Variants in PMFBP1 observed in about 807,000 individuals in gnomAD.
The protein encoded by PMFBP1 is polyamine modulated factor 1 binding protein 1, also known as polyamine-modulated factor 1-binding protein 1.
In PMFBP1, 131 loss-of-function variants were observed where a neutral mutation model predicts 137.8. That is an observed-to-expected ratio of 0.95 (90% CI 0.82 to 1.10). The LOEUF is 1.10. Ranked by LOEUF, PMFBP1 falls within the 50% of genes least tolerant of loss-of-function variation. The pLI is 0.00. For synonymous variants in PMFBP1, 490 were observed against 450.4 expected (o/e 1.09, Z -1.11); for missense variants, 1,199 against 1,175.4 (o/e 1.02, Z -0.29).
At chr16:72,221,974 G>C in the PMFBP1 span, among the ~76,000 whole-genome samples, 1 of 152,144 alleles carries the variant, frequency 6.6e-6, no homozygotes, top group African/African-American at 2.4e-5. Context: ...CACTTTGCCG[G>C]GCTCAGGTAT....
the PMFBP1 span, among the ~76,000 whole-genome samples, chr16:72,245,719 G>C: frequency 6.6e-6 from 1 of 152,028 alleles, no homozygotes; most frequent in Non-Finnish European, 1.5e-5. Context: ...AGGATGCCCC[G>C]GTCTGTACGG....
chr16:72,160,462 C>T (rs1488266092), intron 3 of PMFBP1, among the ~76,000 whole-genome samples: 2 of 152,202 alleles, frequency 1.3e-5, no homozygotes, highest in Non-Finnish European at 2.9e-5. Context: ...AGTATGTCAT[C>T]AGGCCCTGCT....
At chr16:72,220,371 A>G in the PMFBP1 span, among the ~76,000 whole-genome samples, 1 of 152,228 alleles carries the variant, frequency 6.6e-6, no homozygotes. Context: ...TGAAGGAAGT[A>G]TGTTATCTAA....
the PMFBP1 span, among the ~76,000 whole-genome samples, chr16:72,210,765 G>A: frequency 2.6e-5 from 4 of 152,208 alleles, no homozygotes; most frequent in Non-Finnish European, 5.9e-5. Context: ...GTCACCAGTG[G>A]TTGACTCAAA....
intron 5 of PMFBP1, among the ~76,000 whole-genome samples, chr16:72,145,371 C>T (rs1686489317): frequency 6.6e-6 from 1 of 152,178 alleles, no homozygotes; most frequent in South Asian, 2.1e-4. Flanking sequence ...CTCTGGGACA[C>T]ATTTAAAGCA....
In PMFBP1 at chr16:72,124,899, G is replaced by C. The variant is rs1034141698; in HGVS notation, c.2457C>G (p.Ser819Arg). The C allele has an allele frequency of 6.2e-7, 1 of 1,614,072 alleles. No homozygotes were observed. The highest frequency in any genetic ancestry group is 1.3e-5 in the African/African-American group (1 of 74,928). The change falls in exon 17 of 21, where the codon AGC becomes AGG. Residue 819 changes from serine (S) to arginine (R), a missense_variant. Physicochemically the swap from Ser to Arg is moderately radical, Grantham distance 110. Transcript: ENST00000237353. ...GCTTCTGCCACTGCAGCACCTGGCA[G>C]CTCATCTCCTCTAGCTTCTTGTCAA... The part of the protein sequence containing the change: ...HAFDKKLEEM[S>R]CQVLQWQKQH...
the PMFBP1 span, among the ~76,000 whole-genome samples, chr16:72,244,750 G>C: frequency 6.6e-6 from 1 of 152,180 alleles, no homozygotes; most frequent in Admixed American, 6.5e-5. Flanking sequence ...ATATTCTTTA[G>C]TTTATTAAAG....
At chr16:72,164,205 C>T (rs2043107739) in intron 3 of PMFBP1, among the ~76,000 whole-genome samples, 5 of 152,110 alleles carry the variant, frequency 3.3e-5, no homozygotes, top group Admixed American at 3.3e-4. Context: ...TGTAATCTAC[C>T]ATCTCCCCAT....
At chr16:72,139,624 C>T (rs1415956157) in intron 6 of PMFBP1, among the ~76,000 whole-genome samples, 1 of 152,176 alleles carries the variant, frequency 6.6e-6, no homozygotes, top group Non-Finnish European at 1.5e-5. Context: ...TCAATGCCCA[C>T]CCTTGCACTC....
the PMFBP1 span, among the ~76,000 whole-genome samples, chr16:72,223,990 G>T: frequency 6.6e-6 from 1 of 152,148 alleles, no homozygotes; most frequent in East Asian, 1.9e-4. Flanking sequence ...ACCCTTTCCA[G>T]ATGACAGATT....
At chr16:72,154,695 A>G (rs1396944941) in intron 3 of PMFBP1, among the ~76,000 whole-genome samples, 2 of 152,196 alleles carry the variant, frequency 1.3e-5, no homozygotes, top group Admixed American at 1.3e-4. Context: ...CTTATCTACC[A>G]AAATCTTATT....
At chr16:72,126,869 C>T (rs2042467749) in intron 14 of PMFBP1, among the ~76,000 whole-genome samples, 1 of 152,150 alleles carries the variant, frequency 6.6e-6, no homozygotes, top group East Asian at 1.9e-4. Context: ...ATTTCTCTAG[C>T]CTCAGTTTCT....
intron 1 of PMFBP1, 90 bp from the exon 2 acceptor site, chr16:72,171,358 A>G: frequency 1.2e-6 from 1 of 839,328 alleles, no homozygotes; most frequent in Non-Finnish European, 1.8e-6. Flanking sequence ...GCCCTCAGCA[A>G]GAGGTTTGGA....
chr16:72,215,508 T>C, the PMFBP1 span, among the ~76,000 whole-genome samples: 1 of 152,204 alleles, frequency 6.6e-6, no homozygotes, highest in African/African-American at 2.4e-5. Flanking sequence ...CTGAATTTTA[T>C]ACCCAACTAA....
rs909536181 is a variant in PMFBP1 at position 72,122,410 on chromosome 16, A to G, written c.2768+504T>C. Among the ~76,000 whole-genome samples, 3 of 151,950 alleles carry G rather than the reference A, an allele frequency of 2.0e-5. No homozygotes were observed. The South Asian group carries it at 6.2e-4, about 32-fold the overall frequency. ...TCACCTCCATTCTCAAACTGGTAAC[A>G]CTCCTCGCATACCTCCCTCTTAGTG... On this transcript the variant is annotated intron_variant, in intron 19 of 20. Coordinates refer to ENST00000237353, the MANE Select transcript of PMFBP1 (RefSeq NM_031293.3).
At chr16:72,203,523 A>C in the PMFBP1 span, among the ~76,000 whole-genome samples, 2 of 152,194 alleles carry the variant, frequency 1.3e-5, no homozygotes, top group Non-Finnish European at 2.9e-5. Flanking sequence ...CCCAGATGAA[A>C]TGTGGAAGGG....
chr16:72,126,133 C>A lies in PMFBP1; in HGVS notation c.2089-1G>T. On this transcript the variant is annotated splice_acceptor_variant, in intron 14 of 20. Coordinates refer to ENST00000237353, the MANE Select transcript of PMFBP1 (RefSeq NM_031293.3). LOFTEE classifies it high-confidence loss of function. ...TTAAGGACTCCTTCTGAAGGGCTAT[C>A]TTTAAGGAGGGAGAGCAGAACTGTC... 6.2e-7 allele frequency: 1 copy of A among 1,613,784 alleles called. No homozygotes were observed. The highest frequency in any genetic ancestry group is 2.2e-5 in the East Asian group (1 of 44,888).
At chr16:72,210,205 G>T in the PMFBP1 span, among the ~76,000 whole-genome samples, 1 of 152,202 alleles carries the variant, frequency 6.6e-6, no homozygotes, top group Non-Finnish European at 1.5e-5. Context: ...TGTTGGTAAA[G>T]ATTTTAATGT....
chr16:72,148,927 A>G (rs1054878427), intron 5 of PMFBP1, among the ~76,000 whole-genome samples: 4 of 152,214 alleles, frequency 2.6e-5, no homozygotes, highest in South Asian at 2.1e-4. Flanking sequence ...ACTGATGATG[A>G]CATGGAGGCT....
Sources: allele counts gnomAD v4.1 joint callset (sites outside exome capture counted in the v4.1 genomes callset), GRCh38; gene constraint gnomAD v4.1.1; transcripts MANE v1.5; gene names NCBI Gene and HGNC (gene_info 2026-07-23, HGNC 2026-07-21).